The following NHSL1 variants were observed in gnomAD, a reference collection of about 807,000 sequenced individuals.
NHSL1 encodes the protein NHS-like protein 1.
NHSL1 carries 48 observed loss-of-function variants against 95.0 expected under a neutral mutation model. That is an observed-to-expected ratio of 0.51 (90% CI 0.40 to 0.64). The LOEUF is 0.64. NHSL1 is among the 30% of genes least tolerant of loss of function. The pLI, the probability that NHSL1 is intolerant of heterozygous loss-of-function variation, is 0.00. For synonymous variants in NHSL1, 783 were observed against 833.9 expected (o/e 0.94, Z 1.05); for missense variants, 1,971 against 2,077.7 (o/e 0.95, Z 1.00).
intron 1 of NHSL1, among the ~76,000 whole-genome samples, chr6:138,690,129 G>T (rs4896385): frequency 0.15 from 22,096 of 152,188 alleles, 1,767 homozygotes; most frequent in East Asian, 0.37. Context: ...GGCCTTTACG[G>T]TCAATTCCAA....
intron 1 of NHSL1, among the ~76,000 whole-genome samples, chr6:138,609,207 G>C (rs1264120779): frequency 6.6e-6 from 1 of 152,140 alleles, no homozygotes; most frequent in Non-Finnish European, 1.5e-5. Context: ...CTCCAAGGGT[G>C]GGCAGAATGC....
chr6:138,555,325 C>A (rs1406825586), intron 1 of NHSL1, among the ~76,000 whole-genome samples: 1 of 152,180 alleles, frequency 6.6e-6, no homozygotes, highest in African/African-American at 2.4e-5. Context: ...CTATTTAATG[C>A]ATCTTTGTAA....
rs1386976975 is a variant in NHSL1, at chr6:138,437,434, AC to A, written c.665-3755del. Among the ~76,000 whole-genome samples the A allele has an allele frequency of 2.4e-4, 9 of 37,824 alleles. 2 individuals carry two copies. Among genetic ancestry groups the A allele is most frequent in the African/African-American group, 7.4e-4 (7 of 9,412 alleles). The allele number at this position is 37,824 out of a possible 152,430, so 24.8% of individuals were successfully genotyped here. A position where few individuals can be genotyped will look rare whatever the true frequency, so the allele number is the denominator to read the frequency against. On this transcript the variant is annotated intron_variant, in intron 5 of 7. Transcript: ENST00000343505. The stretch of plus-strand genomic sequence containing the variant: ...CATATACACACACACACACACACAC[AC>A]ACACACACACAAAAAAAAAAAAAAA...
At chr6:138,571,754 T>G in exon 1 of NHSL1, 1 of 1,552,284 alleles carries the variant, frequency 6.4e-7, no homozygotes, top group Non-Finnish European at 8.7e-7. Context: ...GTCATCCACT[T>G]CCACCTGCTG....
chr6:138,552,677 A>G (rs1264583499), intron 1 of NHSL1, among the ~76,000 whole-genome samples: 1 of 152,094 alleles, frequency 6.6e-6, no homozygotes, highest in East Asian at 1.9e-4. Context: ...CAGGGAAGGT[A>G]AAGATGAGTT....
At chr6:138,650,371 AGTT>A (rs1785074644) in intron 1 of NHSL1, 1 of 1,344,454 alleles carries the variant, frequency 7.4e-7, no homozygotes, top group Non-Finnish European at 1.1e-6. Flanking sequence ...TGCAGCCCAC[AGTT>A]GTTCACAGCC....
chr6:138,606,517 G>A (rs1053878277), intron 1 of NHSL1, among the ~76,000 whole-genome samples: 3 of 152,022 alleles, frequency 2.0e-5, no homozygotes, highest in South Asian at 2.1e-4. Context: ...TTACAAAGCC[G>A]TCTACAACAA....
At chr6:138,560,044 G>C (rs762409363) in intron 1 of NHSL1, among the ~76,000 whole-genome samples, 1 of 152,202 alleles carries the variant, frequency 6.6e-6, no homozygotes, top group African/African-American at 2.4e-5. Context: ...TCCTGTAGGA[G>C]ATTATTTCCC....
rs1383720774 is a variant in NHSL1, at chr6:138,522,744, G to A, written c.16+22879C>T. Reference sequence around the variant, plus strand: ...GAAGATCACTTGGGCCCAGGCGGCTGAGGCTGCAGTGAGCCGTGATTGTGC... The same window carrying A: ...GAAGATCACTTGGGCCCAGGCGGCTAAGGCTGCAGTGAGCCGTGATTGTGC... On this transcript the variant is annotated intron_variant, in intron 1 of 4. Coordinates refer to the NHSL1 transcript ENST00000342260. Among the ~76,000 whole-genome samples the A allele has an allele frequency of 5.9e-5, 9 of 152,180 alleles. No homozygotes were observed. The South Asian group carries it at 1.7e-3, about 28-fold the overall frequency.
Position 138,552,986 on chromosome 6 carries a change from C to T in NHSL1, c.202+18724G>A, listed in dbSNP as rs138826635. Among the ~76,000 whole-genome samples the T allele has an allele frequency of 7.8e-3, 1,184 of 152,138 alleles. 18 individuals carry two copies. The highest frequency in any genetic ancestry group is 0.027 in the African/African-American group (1,124 of 41,512). On this transcript the variant is annotated intron_variant, in intron 1 of 6. Transcript: ENST00000427025. ...CCTTTGTAGTTGATATTTTTTCTTT[C>T]GAAATCTGACCTTTTAATCCACCTT...
chr6:138,668,227 CACCT>C (rs1042142169), intron 1 of NHSL1, among the ~76,000 whole-genome samples: 1 of 152,138 alleles, frequency 6.6e-6, no homozygotes, highest in Admixed American at 6.5e-5. Context: ...GTGGATGGAT[CACCT>C]GAGGTCAGGG....
At chr6:138,488,906 T>C (rs1240770561) in intron 2 of NHSL1, among the ~76,000 whole-genome samples, 3 of 152,204 alleles carry the variant, frequency 2.0e-5, no homozygotes, top group Non-Finnish European at 2.9e-5. Context: ...GCTTTGCTTA[T>C]CTACAAAATG....
At chr6:138,464,870 G>A (rs1019885539) in intron 3 of NHSL1, among the ~76,000 whole-genome samples, 7 of 150,908 alleles carry the variant, frequency 4.6e-5, no homozygotes, top group Non-Finnish European at 8.9e-5. Flanking sequence ...GTGCCACCAC[G>A]CCTCGCTAAT....
rs149162903 is a variant in NHSL1 at position 138,623,827 on chromosome 6, G to C, written c.96+68649C>G. ...AGGGTAGGACCAGGTGGAGGTAACT[G>C]GATCATGGGGGTGGTTTTCCACATG... On this transcript the variant is annotated intron_variant, in intron 1 of 3. Transcript: ENST00000491526. Among the ~76,000 whole-genome samples, 654 of 152,298 alleles carry C rather than the reference G, an allele frequency of 4.3e-3. 4 individuals carry two copies. The highest frequency in any genetic ancestry group is 0.015 in the African/African-American group (610 of 41,564).
Position 138,426,657 on chromosome 6 carries a change from T to C in NHSL1, c.4086-1841A>G, listed in dbSNP as rs370324895. ...GACAGAGGGCAGCATGGGCCCATGC[T>C]GGCTGCCCTGGGCTTGGTGTTCCTG... On this transcript the variant is annotated intron_variant, in intron 7 of 7. Transcript: ENST00000343505. Among the ~76,000 whole-genome samples the C allele has an allele frequency of 3.3e-5, 5 of 152,186 alleles. No homozygotes were observed. In the South Asian group the frequency reaches 6.2e-4, roughly 19 times the overall value.
At chr6:138,434,092 G>A (rs1775906088) in intron 5 of NHSL1, among the ~76,000 whole-genome samples, 1 of 152,188 alleles carries the variant, frequency 6.6e-6, no homozygotes, top group African/African-American at 2.4e-5. Context: ...AAAGGTAGAT[G>A]AATGTAGTAA....
intron 1 of NHSL1, among the ~76,000 whole-genome samples, chr6:138,667,901 G>GA (rs1476168404): frequency 6.6e-6 from 1 of 152,110 alleles, no homozygotes; most frequent in Non-Finnish European, 1.5e-5. Context: ...TTAGGACTAC[G>GA]AAAAAAGTTC....
At chr6:138,630,860 A>G in intron 1 of NHSL1, among the ~76,000 whole-genome samples, 1 of 152,220 alleles carries the variant, frequency 6.6e-6, no homozygotes, top group East Asian at 1.9e-4. Context: ...CAAAAACACC[A>G]ATCTAACAAC....
intron 3 of NHSL1, among the ~76,000 whole-genome samples, chr6:138,457,149 G>A (rs1777667303): frequency 6.6e-6 from 1 of 152,118 alleles, no homozygotes; most frequent in Non-Finnish European, 1.5e-5. Flanking sequence ...CCAAAGTGCT[G>A]GGATTACAGG....
Sources: gnomAD v4.1 joint callset for allele counts (sites outside exome capture counted in the v4.1 genomes callset) on GRCh38, gnomAD v4.1.1 for gene constraint, MANE v1.5 for transcripts, NCBI Gene and HGNC (gene_info 2026-07-23, HGNC 2026-07-21) for gene names.